The following UGT1A9 variants were observed in gnomAD, a reference collection of about 807,000 sequenced individuals.
UGT1A9 encodes UDP glucuronosyltransferase family 1 member A9.
A neutral mutation model predicts 45.0 loss-of-function variants in UGT1A9; 35 were observed. The observed-to-expected ratio is 0.78, with a 90% CI of 0.59 to 1.03. The LOEUF is 1.03. UGT1A9 is among the 50% of genes least tolerant of loss of function. UGT1A9 has a pLI of 0.00. For synonymous variants in UGT1A9, 278 were observed against 250.6 expected (o/e 1.11, Z -1.03); for missense variants, 687 against 666.6 (o/e 1.03, Z -0.34).
intron 1 of UGT1A9, chr2:233,722,063 A>G (rs2076988750): frequency 4.1e-6 from 1 of 244,354 alleles, no homozygotes; most frequent in Non-Finnish European, 8.2e-6. Context: ...GGTCAAGTGA[A>G]TAAAGAAGAA....
At chr2:233,719,955 G>A (rs914065471) in intron 1 of UGT1A9, among the ~76,000 whole-genome samples, 4 of 152,160 alleles carry the variant, frequency 2.6e-5, no homozygotes, top group Admixed American at 2.6e-4. Flanking sequence ...CCATCTTCAT[G>A]GTTGTGCATG....
chr2:233,745,312 T>A (rs1693068284), intron 1 of UGT1A9, among the ~76,000 whole-genome samples: 1 of 151,876 alleles, frequency 6.6e-6, no homozygotes, highest in South Asian at 2.1e-4. Flanking sequence ...AGTGATTATT[T>A]CCACTAGAAC....
chr2:233,743,732 C>G (rs1474165671), intron 1 of UGT1A9: 4 of 1,367,408 alleles, frequency 2.9e-6, no homozygotes, highest in Non-Finnish European at 3.9e-6. Flanking sequence ...ATAGATATCG[C>G]GTTTCTTGGC....
chr2:233,685,437 A>G (rs4553819), intron 1 of UGT1A9, among the ~76,000 whole-genome samples: 59,161 of 151,978 alleles, frequency 0.39, 11,698 homozygotes, highest in South Asian at 0.45. Context: ...AAAGAATTCG[A>G]GCTGAATCTA....
intron 1 of UGT1A9, chr2:233,760,526 C>T (rs2125985458): frequency 3.7e-6 from 6 of 1,614,242 alleles, no homozygotes; most frequent in Non-Finnish European, 5.1e-6. Context: ...AAGACGTACC[C>T]TGTGCCATTC....
rs34993780 is a variant in UGT1A9 at position 233,772,413 on chromosome 2, T to C, written c.1447T>C (p.Tyr483His). 6.2e-7 allele frequency: 1 copy of C among 1,614,064 alleles called. No homozygotes were observed. The highest frequency in any genetic ancestry group is 8.5e-7 in the Non-Finnish European group (1 of 1,180,038). The change falls in exon 5 of 5, where the codon TAC becomes CAC. Residue 483 changes from tyrosine (Y) to histidine (H), a missense_variant. By Grantham distance (83) the Tyr-to-His change is moderately conservative (BLOSUM62 2). Coordinates refer to ENST00000354728, the MANE Select transcript of UGT1A9 (RefSeq NM_021027.3). ...AGCCCACGACCTCACCTGGTACCAG[T>C]ACCATTCCTTGGACGTGATTGGTTT... The part of the protein sequence containing the change: ...PAAHDLTWYQ[Y>H]HSLDVIGFLL...
chr2:233,722,935 G>A (rs1228293492), intron 1 of UGT1A9, among the ~76,000 whole-genome samples: 1 of 129,296 alleles, frequency 7.7e-6, no homozygotes, highest in Non-Finnish European at 1.6e-5. Flanking sequence ...TTGTCTCCAT[G>A]CTGAGTGGGC....
At chr2:233,727,382 C>T (rs1283832828) in intron 1 of UGT1A9, among the ~76,000 whole-genome samples, 4 of 152,134 alleles carry the variant, frequency 2.6e-5, no homozygotes, top group African/African-American at 7.2e-5. Context: ...TCTGGAGTAC[C>T]ACCGTCTTCC....
intron 1 of UGT1A9, chr2:233,760,907 T>A: frequency 6.2e-7 from 1 of 1,614,208 alleles, no homozygotes. Context: ...ATGACCTTCC[T>A]GCAGCGGGTG....
rs949471199 is a variant in UGT1A9, at chr2:233,747,414, C to T, written c.856-19620C>T. Reference sequence around the variant, plus strand: ...GGTCCTCACCCCAGAGGTGAATATGCACATCAAACAAGAGAAATTTTTCAC... The same window carrying T: ...GGTCCTCACCCCAGAGGTGAATATGTACATCAAACAAGAGAAATTTTTCAC... On this transcript the variant is annotated intron_variant, in intron 1 of 4. Transcript: ENST00000354728. 5.6e-6 allele frequency: 9 copies of T among 1,606,904 alleles called. No individual in the cohort carries two copies. In the Admixed American group the frequency reaches 6.7e-5, roughly 12 times the overall value.
rs1316951869 is a variant in UGT1A9 at position 233,743,957 on chromosome 2, A to G, written c.856-23077A>G. ...CGGCCCACCAGGCACTGGCACAGCG[A>G]GCGGCAAGGCTGCCAGCACCCAGGC... is the stretch of plus-strand genomic sequence containing the variant. On this transcript the variant is annotated intron_variant, in intron 1 of 4. Coordinates refer to ENST00000354728, the MANE Select transcript of UGT1A9 (RefSeq NM_021027.3). 4 of 1,338,466 alleles carry G rather than the reference A, an allele frequency of 3.0e-6. No individual in the cohort carries two copies. The Admixed American group carries it at 8.0e-5, about 27-fold the overall frequency. The allele number at this position is 1,338,466 out of a possible 1,614,324, so 82.9% of individuals were successfully genotyped here.
At chr2:233,740,251 C>G (rs922661439) in intron 1 of UGT1A9, among the ~76,000 whole-genome samples, 2 of 151,726 alleles carry the variant, frequency 1.3e-5, no homozygotes, top group African/African-American at 4.9e-5. Flanking sequence ...TAGACTAATA[C>G]AAGATTGGTG....
chr2:233,763,837 A>G (rs1269995830), intron 1 of UGT1A9, among the ~76,000 whole-genome samples: 1 of 152,238 alleles, frequency 6.6e-6, no homozygotes, highest in Non-Finnish European at 1.5e-5. Context: ...CTGCCAGGGT[A>G]AGATAGCAGT....
At chr2:233,713,488 C>G (rs758374226) in intron 1 of UGT1A9, 1 of 1,613,948 alleles carries the variant, frequency 6.2e-7, no homozygotes, top group South Asian at 1.1e-5. Context: ...AAGTACCTGT[C>G]GATTCCTGCT....
Position 233,747,232 on chromosome 2 carries a change from G to T in UGT1A9, c.856-19802G>T. 2.5e-6 allele frequency: 4 copies of T among 1,605,196 alleles called. 1 individual carries two copies. The highest frequency in any genetic ancestry group is 2.2e-5 in the South Asian group (2 of 90,296). On this transcript the variant is annotated intron_variant, in intron 1 of 4. Coordinates refer to ENST00000354728, the MANE Select transcript of UGT1A9 (RefSeq NM_021027.3). ...TGCTGAGATGGCCACAGGACCCCAGGTTCCCCTGCTGTGGCTGGCCACAGG... is the reference window on the plus strand; with the variant it reads ...TGCTGAGATGGCCACAGGACCCCAGTTTCCCCTGCTGTGGCTGGCCACAGG...
At chr2:233,705,665 T>A (rs140439487) in intron 1 of UGT1A9, among the ~76,000 whole-genome samples, 1 of 152,330 alleles carries the variant, frequency 6.6e-6, no homozygotes, top group African/African-American at 2.4e-5. Flanking sequence ...AAATTATAGT[T>A]GTGAGATAAT....
chr2:233,673,287 C>CT (rs2125503885), intron 1 of UGT1A9, among the ~76,000 whole-genome samples: 1 of 152,056 alleles, frequency 6.6e-6, no homozygotes, highest in East Asian at 1.9e-4. Flanking sequence ...TTATAAATAC[C>CT]TTTATAGACC....
intron 1 of UGT1A9, among the ~76,000 whole-genome samples, chr2:233,681,200 A>C (rs1396853022): frequency 6.6e-6 from 1 of 151,938 alleles, no homozygotes; most frequent in Non-Finnish European, 1.5e-5. Flanking sequence ...CGAACATGAG[A>C]TGCCAATTTC....
intron 1 of UGT1A9, chr2:233,747,259 G>C (rs1240117777): frequency 7.1e-5 from 114 of 1,600,384 alleles, no homozygotes; most frequent in Non-Finnish European, 9.2e-5. Flanking sequence ...GGCCACAGGA[G>C]TGCTACTCCT....
Sources: allele counts gnomAD v4.1 joint callset (sites outside exome capture counted in the v4.1 genomes callset), GRCh38; gene constraint gnomAD v4.1.1; transcripts MANE v1.5; gene names NCBI Gene and HGNC (gene_info 2026-07-23, HGNC 2026-07-21).